SMC1B: variants seen among roughly 807,000 people sequenced by gnomAD.
SMC1B encodes the protein structural maintenance of chromosomes 1B, also known as structural maintenance of chromosomes protein 1B.
A neutral mutation model predicts 157.9 loss-of-function variants in SMC1B; 60 were observed. That is an observed-to-expected ratio of 0.38 (90% CI 0.31 to 0.47). The LOEUF (loss-of-function observed/expected upper bound fraction) is 0.47, where lower values mean the gene tolerates loss of function less well. SMC1B is among the 20% of genes least tolerant of loss of function. The probability of loss-of-function intolerance (pLI) is 0.99; values close to 1 mark genes in which losing one functional copy is unlikely to be tolerated. For synonymous variants in SMC1B, 445 were observed against 483.0 expected (o/e 0.92, Z 1.03); for missense variants, 1,165 against 1,426.2 (o/e 0.82, Z 2.95).
intron 15 of SMC1B, among the ~76,000 whole-genome samples, chr22:45,363,254 A>G (rs2086738835): frequency 6.6e-6 from 1 of 152,242 alleles, no homozygotes; most frequent in East Asian, 1.9e-4. Context: ...AGTTCTAGAC[A>G]TGATGTAATT....
Position 45,389,805 on chromosome 22 carries a change from A to C in SMC1B, c.1638T>G (p.Val546=). ...KVFGRFITAI[V]VASEKVAKDC... is the part of the protein sequence containing the mutation. ...CTTTTGCTACCTTTTCAGAGGCTAC[A>C]ACAATGGCAGTGATGAACCGGCCAA... The change falls in exon 10 of 25, where the codon GTT becomes GTG. Residue 546 remains valine (V), a synonymous_variant. Coordinates refer to ENST00000357450, the MANE Select transcript of SMC1B (RefSeq NM_148674.5). The C allele has an allele frequency of 1.2e-6, 2 of 1,614,114 alleles. No homozygotes were observed. Among genetic ancestry groups the C allele is most frequent in the Non-Finnish European group, 1.7e-6 (2 of 1,179,976 alleles).
intron 7 of SMC1B, 94 bp from the exon 8 acceptor site, chr22:45,394,861 T>C (rs1021122735): frequency 1.6e-6 from 2 of 1,214,934 alleles, no homozygotes; most frequent in South Asian, 2.3e-5. Flanking sequence ...TAAGCTGTTA[T>C]AAAATTGAAA....
intron 12 of SMC1B, among the ~76,000 whole-genome samples, chr22:45,382,222 CTACA>C (rs2086943308): frequency 6.6e-6 from 1 of 152,096 alleles, no homozygotes; most frequent in Non-Finnish European, 1.5e-5. Context: ...TTAAATTTGG[CTACA>C]TAAAGATTAA....
In SMC1B at chr22:45,349,812, C is replaced by A; in HGVS notation, c.3426-15G>T. 6.3e-7 allele frequency: 1 copy of A among 1,590,902 alleles called. No homozygotes were observed. The highest frequency in any genetic ancestry group is 8.6e-7 in the Non-Finnish European group (1 of 1,165,624). The stretch of plus-strand genomic sequence containing the variant: ...CAGGACGAAAACTAGAAAAAAATTA[C>A]AATCAAGTAAGTTACAATTTTCTAT... On this transcript the variant is annotated splice_polypyrimidine_tract_variant and intron_variant, in intron 22 of 24. Coordinates refer to ENST00000357450, the MANE Select transcript of SMC1B (RefSeq NM_148674.5).
intron 2 of SMC1B, among the ~76,000 whole-genome samples, chr22:45,408,127 CTTA>C (rs2087285010): frequency 2.6e-5 from 4 of 152,060 alleles, no homozygotes; most frequent in Admixed American, 1.3e-4. Context: ...CTTCCTTCAT[CTTA>C]TTATTATTTT....
chr22:45,389,983 G>A (rs899739210), intron 9 of SMC1B, 86 bp from the exon 10 acceptor site: 65 of 1,154,232 alleles, frequency 5.6e-5, no homozygotes, highest in Non-Finnish European at 7.5e-5. Flanking sequence ...ACAAAGTAGC[G>A]CAGACAAAAA....
At chr22:45,402,293 C>T in intron 5 of SMC1B, 40 bp downstream of exon 5, 2 of 1,326,986 alleles carry the variant, frequency 1.5e-6, no homozygotes, top group Non-Finnish European at 2.1e-6. Flanking sequence ...TATCAAGCTA[C>T]ATATAACCCA....
At chr22:45,409,072 A>G (rs1002465325) in intron 1 of SMC1B, among the ~76,000 whole-genome samples, 174 bp from the exon 2 acceptor site, 2 of 152,358 alleles carry the variant, frequency 1.3e-5, no homozygotes, top group East Asian at 1.9e-4. Context: ...CATTTCTTCT[A>G]TGCATCTATT....
chr22:45,375,545 G>T (rs1458733608), intron 12 of SMC1B, among the ~76,000 whole-genome samples: 1 of 152,176 alleles, frequency 6.6e-6, no homozygotes, highest in African/African-American at 2.4e-5. Context: ...GATTTTAACT[G>T]AAATGATTTC....
chr22:45,412,086 G>C (rs1456095433), intron 1 of SMC1B, among the ~76,000 whole-genome samples: 1 of 152,190 alleles, frequency 6.6e-6, no homozygotes, highest in African/African-American at 2.4e-5. Context: ...CACTATGTTG[G>C]CCAGGCTGGT....
At position 45,353,975 on chromosome 22, in the gene SMC1B, T is replaced by C; in HGVS notation, c.3273+3A>G. ...CTAGTATTTGAGGATGAAAGATACA[T>C]ACTTGGGCGCTGTTGTTTCTGCAGA... On this transcript the variant is annotated splice_donor_region_variant and intron_variant, in intron 21 of 24. Transcript: ENST00000357450. 6.7e-7 allele frequency: 1 copy of C among 1,486,950 alleles called. No homozygotes were observed. The highest frequency in any genetic ancestry group is 9.0e-7 in the Non-Finnish European group (1 of 1,113,590). 92.1% of individuals were successfully genotyped at this position (1,486,950 alleles called of 1,614,324 possible).
At chr22:45,386,448 C>T (rs1182483059) in intron 11 of SMC1B, among the ~76,000 whole-genome samples, 2 of 151,916 alleles carry the variant, frequency 1.3e-5, no homozygotes, top group Non-Finnish European at 2.9e-5. Flanking sequence ...CTTGAATATG[C>T]AAAAGGACAG....
chr22:45,354,180 CT>C (rs1159112136), intron 20 of SMC1B, 48 bp from the exon 21 acceptor site: 10 of 1,395,788 alleles, frequency 7.2e-6, no homozygotes, highest in Non-Finnish European at 8.5e-6. Flanking sequence ...TGAGGAGGTT[CT>C]TTTACTTAAA....
intron 12 of SMC1B, among the ~76,000 whole-genome samples, chr22:45,378,554 TA>T (rs136581): frequency 0.12 from 18,349 of 152,216 alleles, 1,268 homozygotes; most frequent in South Asian, 0.24. Context: ...ATGAGGAAAC[TA>T]AAGCATAAAA....
At chr22:45,407,492 T>C (rs751822973) in intron 2 of SMC1B, among the ~76,000 whole-genome samples, 52 of 152,076 alleles carry the variant, frequency 3.4e-4, no homozygotes, top group Non-Finnish European at 2.5e-4. Context: ...GACAGGGTCT[T>C]GCTCTGTTGA....
At chr22:45,380,168 C>T (rs1208524880) in intron 12 of SMC1B, among the ~76,000 whole-genome samples, 1 of 152,100 alleles carries the variant, frequency 6.6e-6, no homozygotes, top group Admixed American at 6.5e-5. Context: ...GCTATTATTC[C>T]ATAGTCCCAT....
chr22:45,409,580 A>T (rs926998896), intron 1 of SMC1B, among the ~76,000 whole-genome samples: 1 of 77,014 alleles, frequency 1.3e-5, no homozygotes, highest in African/African-American at 1.4e-4. Context: ...AAATAAATAA[A>T]TAAATAAATA....
At chr22:45,383,139 AAAAAAC>A (rs921845588) in intron 12 of SMC1B, among the ~76,000 whole-genome samples, 2 of 151,788 alleles carry the variant, frequency 1.3e-5, no homozygotes, top group Non-Finnish European at 2.9e-5. Flanking sequence ...GTCTCAAAAA[AAAAAAC>A]AAAAAACAAA....
intron 15 of SMC1B, among the ~76,000 whole-genome samples, chr22:45,367,822 A>C (rs2086790980): frequency 6.6e-6 from 1 of 152,018 alleles, no homozygotes; most frequent in Non-Finnish European, 1.5e-5. Context: ...CAATTCTCTT[A>C]TTGTCTGCAA....
Sources: gnomAD v4.1 joint callset for allele counts (sites outside exome capture counted in the v4.1 genomes callset) on GRCh38, gnomAD v4.1.1 for gene constraint, MANE v1.5 for transcripts, NCBI Gene and HGNC (gene_info 2026-07-23, HGNC 2026-07-21) for gene names.